The following ELP1 variants were observed in gnomAD, a reference collection of about 807,000 sequenced individuals.
ELP1 encodes the protein elongator acetyltransferase complex subunit 1.
Under a neutral mutation model 183.2 loss-of-function variants are expected in ELP1, and 131 were observed. The observed-to-expected ratio is 0.72, with a 90% confidence interval of 0.62 to 0.83. ELP1 has a LOEUF of 0.83. ELP1 is among the 40% of genes least tolerant of loss of function. The probability of loss-of-function intolerance (pLI) is 0.00; values close to 1 mark genes in which losing one functional copy is unlikely to be tolerated. For missense variants in ELP1, 1,550 were observed against 1,594.9 expected, an observed-to-expected ratio of 0.97 and a Z score of 0.48; for synonymous variants, 555 against 569.0, an observed-to-expected ratio of 0.98 and a Z score of 0.35.
intron 32 of ELP1, 51 bp from the exon 33 acceptor site, chr9:108,879,608 G>A (rs1426414973): frequency 3.0e-6 from 4 of 1,341,282 alleles, no homozygotes; most frequent in Non-Finnish European, 4.3e-6. Context: ...CTAATGTGTG[G>A]GTTTACTTTC....
chr9:108,916,413 T>C (rs1421095909), intron 9 of ELP1, 116 bp from the exon 10 acceptor site: 6 of 811,774 alleles, frequency 7.4e-6, no homozygotes, highest in African/African-American at 3.3e-5. Context: ...AGCTCATCCC[T>C]AGCTGTAAAT....
chr9:108,926,557 C>T lies in ELP1; in HGVS notation c.432G>A (p.Leu144=), dbSNP rs1456280404. Residue 144 remains leucine (L), a synonymous_variant, in exon 5 of 37, where the codon CTG becomes CTA. Coordinates refer to ENST00000374647, the MANE Select transcript of ELP1 (RefSeq NM_003640.5). ...AATCATCCTGATGGATCTGCTGCTC[C>T]AGGATTGGCTCAAAATCTTTTGTCA... ...IMMTKDFEPI[L]EQQIHQDDFG... 6.2e-7 allele frequency: 1 copy of T among 1,613,204 alleles called. No individual in the cohort carries two copies. The highest frequency in any genetic ancestry group is 1.1e-5 in the South Asian group (1 of 91,072).
intron 29 of ELP1, among the ~76,000 whole-genome samples, chr9:108,885,087 A>C (rs1351490799): frequency 2.0e-5 from 3 of 152,016 alleles, no homozygotes; most frequent in South Asian, 2.1e-4. Context: ...TCTTTAAAAA[A>C]ACAACAACAA....
intron 34 of ELP1, 122 bp from the exon 35 acceptor site, chr9:108,878,271 A>G (rs1827777691): frequency 1.3e-5 from 11 of 823,550 alleles, no homozygotes; most frequent in Non-Finnish European, 2.2e-5. Flanking sequence ...TTTCTCCCAC[A>G]TTATCTTTTT....
At position 108,931,031 on chromosome 9, in the gene ELP1, T is replaced by C. The variant is rs2132052820; in HGVS notation, c.116A>G (p.His39Arg). 4.3e-6 allele frequency: 7 copies of C among 1,614,158 alleles called. No homozygotes were observed. Among genetic ancestry groups the C allele is most frequent in the Middle Eastern group, 3.3e-4 (2 of 6,062 alleles). ...GACAGGGTCTACTTCTATCAGGCCA[T>C]GTTCTGAACCAATGAGCACCGTCCC... Reference protein sequence around the residue: ...EQGTVLIGSEHGLIEVDPVSR... With the variant: ...EQGTVLIGSERGLIEVDPVSR... The change falls in exon 2 of 37, where the codon CAT becomes CGT. Residue 39 changes from histidine to arginine, a missense_variant. Transcript: ENST00000374647.
chr9:108,868,935 C>A lies in ELP1; in HGVS notation c.*180G>T. On this transcript the variant is annotated 3_prime_UTR_variant, in exon 37 of 37. Coordinates refer to ENST00000374647, the MANE Select transcript of ELP1 (RefSeq NM_003640.5). ...GTCTTGCTAATGATCAAGATGTATA[C>A]ACAACATAAAATAAATAGAATTGCT... 1.5e-6 allele frequency: 1 copy of A among 672,736 alleles called. No individual in the cohort carries two copies. The highest frequency in any genetic ancestry group is 2.7e-6 in the Non-Finnish European group (1 of 368,682). 41.7% of individuals were successfully genotyped at this position (672,736 alleles called of 1,614,324 possible).
chr9:108,929,108 T>C (rs574649488), intron 3 of ELP1, among the ~76,000 whole-genome samples: 19 of 152,388 alleles, frequency 1.2e-4, no homozygotes, highest in South Asian at 8.3e-4. Context: ...ATTATCCTAC[T>C]ATTAGTAATA....
Position 108,926,501 on chromosome 9 carries a change from T to C in ELP1, c.466+22A>G, listed in dbSNP as rs181639042. On this transcript the variant is annotated intron_variant, in intron 5 of 36. Coordinates refer to ENST00000374647, the MANE Select transcript of ELP1 (RefSeq NM_003640.5). The stretch of plus-strand genomic sequence containing the variant: ...ATGGGAAGAAACGTAGGTCACAAAA[T>C]ATTGCACAAAGCTATACTTACTTTC... The C allele has an allele frequency of 5.7e-6, 9 of 1,586,980 alleles. No homozygotes were observed. In the East Asian group the frequency reaches 1.1e-4, roughly 20 times the overall value.
chr9:108,893,866 T>C (rs1424045497), intron 26 of ELP1, 77 bp downstream of exon 26: 2 of 1,475,908 alleles, frequency 1.4e-6, no homozygotes, highest in Non-Finnish European at 1.9e-6. Flanking sequence ...CTGTCTAAAC[T>C]AACAGTTTAA....
In ELP1 at chr9:108,922,748, T is replaced by C. The variant is rs1473933827; in HGVS notation, c.552+94A>G. The C allele has an allele frequency of 4.6e-6, 4 of 865,196 alleles. No homozygotes were observed. The African/African-American group carries it at 5.0e-5, about 11-fold the overall frequency. 53.6% of individuals were successfully genotyped at this position (865,196 alleles called of 1,614,324 possible). A position where few individuals can be genotyped will look rare whatever the true frequency, so the allele number is the denominator to read the frequency against. On this transcript the variant is annotated intron_variant, in intron 6 of 36. Transcript: ENST00000374647. ...ACTAAAGCAGAAGAGAACTGTTCATTACTGGCATCTAAGTGGACACCAAAG... is the reference window on the plus strand; with the variant it reads ...ACTAAAGCAGAAGAGAACTGTTCATCACTGGCATCTAAGTGGACACCAAAG...
At chr9:108,892,063 AGGAATACAACAT>A (rs1001994111) in intron 27 of ELP1, among the ~76,000 whole-genome samples, 1 of 152,200 alleles carries the variant, frequency 6.6e-6, no homozygotes, top group Non-Finnish European at 1.5e-5. Context: ...AGATTCAGAG[AGGAATACAACAT>A]GGAGTCCCTG....
intron 1 of ELP1, among the ~76,000 whole-genome samples, chr9:108,932,606 T>A (rs1034551162): frequency 2.0e-5 from 3 of 152,124 alleles, no homozygotes; most frequent in African/African-American, 7.2e-5. Context: ...CCTCCCAAAG[T>A]GCTGGGATTA....
At chr9:108,878,475 G>A (rs1827785584) in intron 34 of ELP1, 148 bp downstream of exon 34, 4 of 1,039,430 alleles carry the variant, frequency 3.8e-6, no homozygotes, top group Non-Finnish European at 6.0e-6. Context: ...TCAGGAATGT[G>A]TGCAGACATG....
chr9:108,920,882 C>T (rs115628234), intron 6 of ELP1, among the ~76,000 whole-genome samples: 2,630 of 152,108 alleles, frequency 0.017, 30 homozygotes, highest in South Asian at 0.049. Context: ...CTGGATCATC[C>T]TATACCATTA....
Sources: gnomAD v4.1 joint callset for allele counts (sites outside exome capture counted in the v4.1 genomes callset) on GRCh38, gnomAD v4.1.1 for gene constraint, MANE v1.5 for transcripts, NCBI Gene and HGNC (gene_info 2026-07-23, HGNC 2026-07-21) for gene names.